OSBPL10: variants seen among roughly 807,000 people sequenced by gnomAD.
OSBPL10 encodes oxysterol-binding protein-related protein 10.
A neutral mutation model predicts 81.7 loss-of-function variants in OSBPL10; 49 were observed. The ratio of observed to expected loss-of-function variants is 0.60; its 90% CI spans 0.48 to 0.76. OSBPL10 has a LOEUF of 0.76. OSBPL10 is among the 30% of genes least tolerant of loss of function. The pLI, the probability that OSBPL10 is intolerant of heterozygous loss-of-function variation, is 0.00. For synonymous variants in OSBPL10, 419 were observed against 383.6 expected (o/e 1.09, Z -1.08); for missense variants, 923 against 987.8 (o/e 0.93, Z 0.88).
chr3:31,930,003 C>CAAAAAAAAAAAAAAAAA lies in OSBPL10; in HGVS notation c.282-50190_282-50174dup, dbSNP rs57256301. Among the ~76,000 whole-genome samples the CAAAAAAAAAAAAAAAAA allele has an allele frequency of 2.8e-5, 2 of 72,574 alleles. 1 individual carries two copies. Among genetic ancestry groups the CAAAAAAAAAAAAAAAAA allele is most frequent in the African/African-American group, 1.1e-4 (2 of 18,734 alleles). The allele number at this position is 72,574 out of a possible 152,430, so 47.6% of individuals were successfully genotyped here. A position where few individuals can be genotyped will look rare whatever the true frequency, so the allele number is the denominator to read the frequency against. ...GATCAAGTGAGACCCTGTCACCAAC[C>CAAAAAAAAAAAAAAAAA]AAAAAAAAAAAAAAAAAAAAAAACA... On this transcript the variant is annotated intron_variant, in intron 1 of 11. Coordinates refer to ENST00000396556, the MANE Select transcript of OSBPL10 (RefSeq NM_017784.5).
intron 4 of OSBPL10, among the ~76,000 whole-genome samples, chr3:31,760,482 T>C (rs1698001934): frequency 6.6e-6 from 1 of 152,260 alleles, no homozygotes; most frequent in Non-Finnish European, 1.5e-5. Flanking sequence ...ATCTCTAAAT[T>C]GCTTATGACA....
At position 31,676,394 on chromosome 3, in the gene OSBPL10, C is replaced by CTAAA. The variant is rs752295970; in HGVS notation, c.1727-5412_1727-5411insTTTA. 3.1e-4 allele frequency among the ~76,000 whole-genome samples: 44 copies of CTAAA among 141,430 alleles called. 1 individual carries two copies. Among genetic ancestry groups the CTAAA allele is most frequent in the East Asian group, 2.8e-3 (14 of 5,058 alleles). The allele number at this position is 141,430 out of a possible 152,430, so 92.8% of individuals were successfully genotyped here. A position where few individuals can be genotyped will look rare whatever the true frequency, so the allele number is the denominator to read the frequency against. The stretch of plus-strand genomic sequence containing the variant: ...CATTTGGCCTAACAGCTAAGAGAAG[C>CTAAA]CAAAAAAAAAAAAAACATCAAATAA... On this transcript the variant is annotated intron_variant, in intron 8 of 11. Transcript: ENST00000396556.
chr3:32,007,442 TG>T (rs1441576126), intron 2 of OSBPL10, among the ~76,000 whole-genome samples: 2 of 152,184 alleles, frequency 1.3e-5, no homozygotes, highest in Non-Finnish European at 2.9e-5. Context: ...TCAGTATCAC[TG>T]GTCCAAAATC....
At position 31,743,065 on chromosome 3, in the gene OSBPL10, G is replaced by C. The variant is rs1365254991; in HGVS notation, c.940+4845C>G. On this transcript the variant is annotated intron_variant, in intron 5 of 11. Coordinates refer to ENST00000396556, the MANE Select transcript of OSBPL10 (RefSeq NM_017784.5). ...TTTTTTTTTTTTTTTTTTTTAGAGA[G>C]AGTCTTGCTCTGTCCCCCAGGCTGG... 7.8e-5 allele frequency among the ~76,000 whole-genome samples: 9 copies of C among 115,888 alleles called. 1 individual carries two copies. The East Asian group carries it at 2.3e-3, about 30-fold the overall frequency. 76.0% of individuals were successfully genotyped at this position (115,888 alleles called of 152,430 possible).
intron 1 of OSBPL10, among the ~76,000 whole-genome samples, chr3:31,943,967 CAAAAAAAAAAAAAAA>C (rs55770286): frequency 1.1e-4 from 4 of 37,778 alleles, no homozygotes; most frequent in Admixed American, 4.7e-4. Flanking sequence ...GACTCCGTCT[CAAAAAAAAAAAAAAA>C]AAAAAAAAAA....
chr3:31,699,835 G>A (rs946334005), intron 7 of OSBPL10, among the ~76,000 whole-genome samples: 6 of 152,210 alleles, frequency 3.9e-5, no homozygotes, highest in African/African-American at 1.4e-4. Context: ...TGTTTTTGGA[G>A]AGGGACTAGA....
At chr3:31,811,080 G>A (rs933490311) in intron 4 of OSBPL10, among the ~76,000 whole-genome samples, 5 of 151,992 alleles carry the variant, frequency 3.3e-5, no homozygotes, top group African/African-American at 1.2e-4. Flanking sequence ...CTATAAGCAA[G>A]AGTCAAAACA....
At chr3:31,865,442 C>T (rs1282343432) in intron 3 of OSBPL10, among the ~76,000 whole-genome samples, 1 of 152,146 alleles carries the variant, frequency 6.6e-6, no homozygotes, top group African/African-American at 2.4e-5. Flanking sequence ...CCCTTTTCAT[C>T]TACTGTTTCT....
chr3:31,690,639 C>G (rs573506143), intron 7 of OSBPL10, among the ~76,000 whole-genome samples: 1 of 152,288 alleles, frequency 6.6e-6, no homozygotes, highest in African/African-American at 2.4e-5. Context: ...TCAAGTCCAA[C>G]CTACTAGGTA....
intron 1 of OSBPL10, among the ~76,000 whole-genome samples, chr3:31,891,528 C>A (rs1695890357): frequency 6.6e-6 from 1 of 152,172 alleles, no homozygotes; most frequent in Admixed American, 6.5e-5. Flanking sequence ...CAAAGGTCTG[C>A]CTGCTTATAA....
chr3:31,824,024 T>C (rs1700043738), intron 4 of OSBPL10, among the ~76,000 whole-genome samples: 1 of 152,108 alleles, frequency 6.6e-6, no homozygotes, highest in South Asian at 2.1e-4. Context: ...GCTACTTTTT[T>C]GCATTTTTGG....
At chr3:31,729,098 C>A (rs1211872533) in intron 6 of OSBPL10, among the ~76,000 whole-genome samples, 2 of 152,158 alleles carry the variant, frequency 1.3e-5, no homozygotes, top group Admixed American at 1.3e-4. Flanking sequence ...GAGAACCTTG[C>A]ATTTTAAAAT....
intron 1 of OSBPL10, among the ~76,000 whole-genome samples, chr3:31,928,762 C>CCAAAAAAAAAAAAAAAAA (rs768296819): frequency 1.3e-4 from 12 of 95,064 alleles, no homozygotes; most frequent in African/African-American, 3.9e-4. Context: ...GACTTGTCTC[C>CCAAAAAAAAAAAAAAAAA]AAAAAAAAAA....
At chr3:31,883,687 A>G (rs1695655486) in intron 1 of OSBPL10, among the ~76,000 whole-genome samples, 1 of 151,784 alleles carries the variant, frequency 6.6e-6, no homozygotes, top group South Asian at 2.1e-4. Context: ...GCTTGCCACT[A>G]TGCCCAGCTA....
Position 31,691,794 on chromosome 3 carries a change from T to C in OSBPL10, c.1246-7680A>G, listed in dbSNP as rs565215911. The stretch of plus-strand genomic sequence containing the variant: ...GCCATCTTCGTATTTTATCCTTAGA[T>C]TGGCAAACACACCCAGTGCAAACAA... On this transcript the variant is annotated intron_variant, in intron 7 of 11. Transcript: ENST00000396556. Among the ~76,000 whole-genome samples, 15 of 152,070 alleles carry C rather than the reference T, an allele frequency of 9.9e-5. No individual in the cohort carries two copies. In the South Asian group the frequency reaches 2.7e-3, roughly 27 times the overall value.
At chr3:31,792,740 A>AGTGT (rs10575874) in intron 4 of OSBPL10, among the ~76,000 whole-genome samples, 7,704 of 133,580 alleles carry the variant, frequency 0.058, 300 homozygotes, top group East Asian at 0.14. Context: ...CCAGACACAG[A>AGTGT]GTGTGTGTGT....
chr3:32,004,617 T>G (rs1423909577), intron 2 of OSBPL10, among the ~76,000 whole-genome samples: 1 of 152,232 alleles, frequency 6.6e-6, no homozygotes, highest in African/African-American at 2.4e-5. Flanking sequence ...TGGAGGAATG[T>G]ATAAACTGGT....
At chr3:31,682,243 C>T (rs1354868192) in intron 8 of OSBPL10, among the ~76,000 whole-genome samples, 2 of 152,310 alleles carry the variant, frequency 1.3e-5, no homozygotes, top group African/African-American at 2.4e-5. Flanking sequence ...TTTCAACAAA[C>T]GGCTGGAGCA....
chr3:31,681,634 G>C (rs1022632537), intron 8 of OSBPL10, among the ~76,000 whole-genome samples: 2 of 152,142 alleles, frequency 1.3e-5, no homozygotes, highest in Admixed American at 1.3e-4. Context: ...CTCGCACTTT[G>C]AAGCCCTTCT....
Sources: allele counts gnomAD v4.1 joint callset (sites outside exome capture counted in the v4.1 genomes callset), GRCh38; gene constraint gnomAD v4.1.1; transcripts MANE v1.5; gene names NCBI Gene and HGNC (gene_info 2026-07-23, HGNC 2026-07-21).